The following PARM1 variants were observed in gnomAD, a reference collection of about 807,000 sequenced individuals.
The protein encoded by PARM1 is WSC4, cell wall integrity and stress response component 4 homolog.
A neutral mutation model predicts 24.6 loss-of-function variants in PARM1; 14 were observed. That is an observed-to-expected ratio of 0.57 (90% CI 0.38 to 0.89). The LOEUF (loss-of-function observed/expected upper bound fraction) is 0.89, where lower values mean the gene tolerates loss of function less well. Ranked by LOEUF, PARM1 falls within the 40% of genes least tolerant of loss-of-function variation. PARM1 has a pLI of 0.00. For missense variants in PARM1, 362 were observed against 380.4 expected (o/e 0.95, Z 0.40); for synonymous variants, 179 against 156.6 (o/e 1.14, Z -1.07).
chr4:75,020,654 G>T (rs1013518110), intron 2 of PARM1, among the ~76,000 whole-genome samples: 2 of 152,164 alleles, frequency 1.3e-5, no homozygotes, highest in Admixed American at 6.5e-5. Context: ...CACACCTTCA[G>T]TTTATGTGGG....
intron 1 of PARM1, among the ~76,000 whole-genome samples, chr4:74,971,816 G>A (rs1000626391): frequency 3.3e-5 from 5 of 152,048 alleles, no homozygotes; most frequent in Non-Finnish European, 7.4e-5. Flanking sequence ...TCTTTTCCCA[G>A]CCTAGTCTAG....
At chr4:74,992,985 G>A (rs1365533059) in intron 1 of PARM1, among the ~76,000 whole-genome samples, 1 of 152,104 alleles carries the variant, frequency 6.6e-6, no homozygotes, top group African/African-American at 2.4e-5. Context: ...CAAAGTAGCA[G>A]ACAGCTTCTA....
chr4:75,024,255 CAA>C (rs369591905), intron 2 of PARM1, among the ~76,000 whole-genome samples: 6 of 134,766 alleles, frequency 4.5e-5, no homozygotes, highest in Admixed American at 7.5e-5. Context: ...GAGACTCTGT[CAA>C]AAAAAAAAAA....
intron 1 of PARM1, among the ~76,000 whole-genome samples, chr4:74,985,323 T>C (rs1276164405): frequency 1.3e-5 from 2 of 152,216 alleles, no homozygotes; most frequent in Non-Finnish European, 2.9e-5. Flanking sequence ...TAATTGGCTA[T>C]GTGATTAGCT....
intron 1 of PARM1, among the ~76,000 whole-genome samples, chr4:74,957,623 GT>G (rs1265410172): frequency 6.6e-6 from 1 of 152,112 alleles, no homozygotes; most frequent in Non-Finnish European, 1.5e-5. Flanking sequence ...CAATATAGAG[GT>G]GCCTATATGA....
intron 3 of PARM1, among the ~76,000 whole-genome samples, chr4:75,037,627 CTG>C (rs1723397786): frequency 1.3e-5 from 2 of 152,120 alleles, no homozygotes; most frequent in Non-Finnish European, 2.9e-5. Flanking sequence ...ATAAAATGAA[CTG>C]CCCTGAACCC....
At chr4:74,948,788 C>T (rs150967268) in intron 1 of PARM1, among the ~76,000 whole-genome samples, 2,458 of 152,064 alleles carry the variant, frequency 0.016, 55 homozygotes, top group African/African-American at 0.048. Context: ...TTTGGGAGGC[C>T]GAGGCGGGTG....
At chr4:74,973,904 A>G (rs1003049905) in intron 1 of PARM1, among the ~76,000 whole-genome samples, 5 of 143,854 alleles carry the variant, frequency 3.5e-5, no homozygotes, top group African/African-American at 1.3e-4. Flanking sequence ...AGAGAGAAAG[A>G]AAGAGAGAGA....
chr4:75,010,815 G>A (rs1222116823), intron 1 of PARM1, among the ~76,000 whole-genome samples: 4 of 152,196 alleles, frequency 2.6e-5, no homozygotes, highest in African/African-American at 4.8e-5. Context: ...GGGGCTAGAA[G>A]ACCAATTAAG....
At chr4:75,020,577 A>C (rs979720056) in intron 2 of PARM1, among the ~76,000 whole-genome samples, 4 of 151,416 alleles carry the variant, frequency 2.6e-5, no homozygotes, top group Non-Finnish European at 4.4e-5. Context: ...ATCAAGGCTC[A>C]CATAACCTTA....
chr4:74,936,557 C>A (rs1052782818), intron 1 of PARM1, among the ~76,000 whole-genome samples: 1 of 151,658 alleles, frequency 6.6e-6, no homozygotes, highest in Non-Finnish European at 1.5e-5. Flanking sequence ...GGGTTCACGC[C>A]ATTCTCCTGC....
At chr4:74,949,502 T>C (rs539290198) in intron 1 of PARM1, among the ~76,000 whole-genome samples, 114 of 152,218 alleles carry the variant, frequency 7.5e-4, no homozygotes, top group African/African-American at 2.7e-3. Context: ...TTAGTAGAGA[T>C]GGGGTTTCAC....
At chr4:75,039,142 C>A (rs1723428317) in intron 3 of PARM1, among the ~76,000 whole-genome samples, 2 of 152,136 alleles carry the variant, frequency 1.3e-5, no homozygotes, top group Non-Finnish European at 2.9e-5. Flanking sequence ...TTTCAGGTCA[C>A]CTTTTGGAGT....
chr4:75,034,002 T>G, intron 3 of PARM1, 41 bp downstream of exon 3: 1 of 1,492,870 alleles, frequency 6.7e-7, no homozygotes, highest in Admixed American at 1.9e-5. Flanking sequence ...GATTCTGTTT[T>G]GTTGGGCTCT....
chr4:75,007,491 G>T (rs1029958562), intron 1 of PARM1, among the ~76,000 whole-genome samples: 2 of 151,868 alleles, frequency 1.3e-5, no homozygotes, highest in Non-Finnish European at 2.9e-5. Context: ...CTTCCTCTTA[G>T]TGTAAGGTCA....
chr4:74,969,353 GA>G (rs1553968983), intron 1 of PARM1: 1 of 152,222 alleles, frequency 6.6e-6, no homozygotes, highest in Non-Finnish European at 1.5e-5. Context: ...TAACATGTAA[GA>G]AGGGACTTAA....
chr4:74,987,392 A>G (rs1722378002), intron 1 of PARM1, among the ~76,000 whole-genome samples: 1 of 152,164 alleles, frequency 6.6e-6, no homozygotes, highest in African/African-American at 2.4e-5. Flanking sequence ...TTCAATATAG[A>G]CATTAATAGT....
chr4:74,978,890 C>G (rs888702490), intron 1 of PARM1, among the ~76,000 whole-genome samples: 1 of 152,060 alleles, frequency 6.6e-6, no homozygotes, highest in Non-Finnish European at 1.5e-5. Flanking sequence ...AGGCAGAAAT[C>G]AAGAAGTTCT....
chr4:75,043,491 C>T (rs2109816587), intron 3 of PARM1, among the ~76,000 whole-genome samples: 1 of 152,054 alleles, frequency 6.6e-6, no homozygotes, highest in East Asian at 1.9e-4. Context: ...ATTTATTGAC[C>T]AAACTCACAT....
Sources: gnomAD v4.1 joint callset for allele counts (sites outside exome capture counted in the v4.1 genomes callset) on GRCh38, gnomAD v4.1.1 for gene constraint, MANE v1.5 for transcripts, NCBI Gene and HGNC (gene_info 2026-07-23, HGNC 2026-07-21) for gene names.